PERP: variants seen among roughly 807,000 people sequenced by gnomAD.
PERP encodes the protein p53 apoptosis effector related to PMP-22.
Under a neutral mutation model 20.3 loss-of-function variants are expected in PERP, and 11 were observed. That is an observed-to-expected ratio of 0.54 (90% CI 0.34 to 0.90). PERP has a LOEUF of 0.90. Ranked by LOEUF, PERP falls within the 40% of genes least tolerant of loss-of-function variation. The pLI, the probability that PERP is intolerant of heterozygous loss-of-function variation, is 0.02. For missense variants in PERP, 224 were observed against 249.4 expected, an observed-to-expected ratio of 0.90 and a Z score of 0.69; for synonymous variants, 101 against 102.0, an observed-to-expected ratio of 0.99 and a Z score of 0.06.
chr6:138,106,436 A>G (rs1775842419), intron 1 of PERP, among the ~76,000 whole-genome samples: 1 of 152,232 alleles, frequency 6.6e-6, no homozygotes, highest in South Asian at 2.1e-4. Flanking sequence ...GGTACATTAA[A>G]TTTGTCAACT....
intron 2 of PERP, 83 bp downstream of exon 2, chr6:138,096,271 C>G: frequency 2.0e-6 from 3 of 1,496,034 alleles, no homozygotes; most frequent in Non-Finnish European, 2.7e-6. Flanking sequence ...GTAACAGTCA[C>G]GGGTCTTCTT....
chr6:138,106,138 G>T (rs1209003754), intron 1 of PERP, among the ~76,000 whole-genome samples: 1 of 152,146 alleles, frequency 6.6e-6, no homozygotes, highest in Non-Finnish European at 1.5e-5. Flanking sequence ...AACAGGCAGG[G>T]TAGCTTGCTG....
chr6:138,093,355 A>G (rs1480693594), intron 2 of PERP, among the ~76,000 whole-genome samples: 1 of 151,790 alleles, frequency 6.6e-6, no homozygotes, highest in Non-Finnish European at 1.5e-5. Flanking sequence ...CCACAGATGT[A>G]CCTTGAAGTA....
rs1775692343 is a variant in PERP at position 138,096,367 on chromosome 6, G to A, written c.342C>T (p.Leu114=). 4 of 1,613,920 alleles carry A rather than the reference G, an allele frequency of 2.5e-6. No homozygotes were observed. Among genetic ancestry groups the A allele is most frequent in the Non-Finnish European group, 3.4e-6 (4 of 1,179,908 alleles). ...ACACAGTCTTACCAGCCAAGGCAAGGAGACCTCCAATCACTCTCAGGAAGA... is the reference window on the plus strand; with the variant it reads ...ACACAGTCTTACCAGCCAAGGCAAGAAGACCTCCAATCACTCTCAGGAAGA... ...MLVFLRVIGG[L]LALAAVFQII... is the part of the protein sequence containing the mutation. The change falls in exon 2 of 3, where the codon CTC becomes CTT. Residue 114 remains leucine (L), a synonymous_variant. Coordinates refer to ENST00000421351, the MANE Select transcript of PERP (RefSeq NM_022121.5).
chr6:138,101,257 C>G (rs191492336), intron 1 of PERP, among the ~76,000 whole-genome samples: 224 of 152,176 alleles, frequency 1.5e-3, no homozygotes, highest in Middle Eastern at 3.4e-3. Flanking sequence ...GTAGTCCCAG[C>G]TATTCAGGAG....
intron 1 of PERP, among the ~76,000 whole-genome samples, chr6:138,104,054 C>T (rs540320289): frequency 6.6e-6 from 1 of 152,348 alleles, no homozygotes; most frequent in South Asian, 2.1e-4. Flanking sequence ...AAACTTATCA[C>T]CATTATTCTC....
rs1775853598 is a variant in PERP, at chr6:138,107,023, G to A, written c.214+104C>T. 2 of 1,176,998 alleles carry A rather than the reference G, an allele frequency of 1.7e-6. No individual in the cohort carries two copies. The highest frequency in any genetic ancestry group is 2.3e-6 in the Non-Finnish European group (2 of 852,612). The allele number at this position is 1,176,998 out of a possible 1,614,324, so 72.9% of individuals were successfully genotyped here. On this transcript the variant is annotated intron_variant, in intron 1 of 2. Transcript: ENST00000421351. This position sits in a 1 kb window ranked among gnomAD's most constrained non-coding sequence, Gnocchi z 4.8. ...CTAAACAGGCATTCTGAAAAGCACTGGCTCCCCCGACCCTGTGAGGGCCCA... is the reference window on the plus strand; with the variant it reads ...CTAAACAGGCATTCTGAAAAGCACTAGCTCCCCCGACCCTGTGAGGGCCCA...
intron 1 of PERP, among the ~76,000 whole-genome samples, chr6:138,100,782 T>A (rs1775759350): frequency 6.6e-6 from 1 of 152,198 alleles, no homozygotes; most frequent in Non-Finnish European, 1.5e-5. Context: ...GCTCATGTAA[T>A]CAAAGAAACC....
intron 2 of PERP, among the ~76,000 whole-genome samples, chr6:138,094,107 TA>T (rs1332669036): frequency 6.6e-6 from 1 of 152,356 alleles, no homozygotes; most frequent in East Asian, 1.9e-4. Flanking sequence ...AGAGTTTTAC[TA>T]GGATATTTTT....
chr6:138,107,414 G>A lies in PERP; in HGVS notation c.-74C>T. 8.1e-7 allele frequency: 1 copy of A among 1,230,204 alleles called. No homozygotes were observed. The highest frequency in any genetic ancestry group is 3.1e-4 in the Middle Eastern group (1 of 3,250). 76.2% of individuals were successfully genotyped at this position (1,230,204 alleles called of 1,614,324 possible). ...GGAGCGCGCGGGACGGGCGACAGCA[G>A]AGAGTGGCCTGCGAGCGCGGGCGCC... On this transcript the variant is annotated 5_prime_UTR_variant, in exon 1 of 3. Transcript: ENST00000421351. The surrounding 1 kb of genome is among the most constrained non-coding windows in gnomAD (Gnocchi z 4.8).
At chr6:138,103,050 GA>G (rs1208551137) in intron 1 of PERP, among the ~76,000 whole-genome samples, 1 of 150,860 alleles carries the variant, frequency 6.6e-6, no homozygotes, top group African/African-American at 2.4e-5. Flanking sequence ...AGTGAGCAGA[GA>G]TTGTGCCACT....
At chr6:138,106,461 G>C (rs923014619) in intron 1 of PERP, among the ~76,000 whole-genome samples, 1 of 151,622 alleles carries the variant, frequency 6.6e-6, no homozygotes, top group Non-Finnish European at 1.5e-5. Flanking sequence ...TTCACGTCGC[G>C]AGTGTAGGGA....
chr6:138,106,621 C>T (rs1775845400), intron 1 of PERP, among the ~76,000 whole-genome samples: 1 of 152,166 alleles, frequency 6.6e-6, no homozygotes, highest in Non-Finnish European at 1.5e-5. Context: ...CTATTGAAAA[C>T]GTTAACTGCT....
rs573656327 is a variant in PERP, at chr6:138,088,668, C to T, written c.*3374G>A. ...CACACCCTAGGTGGATTACACTCACCCTGACACACCTAGAAAATACACCCA... is the reference window on the plus strand; with the variant it reads ...CACACCCTAGGTGGATTACACTCACTCTGACACACCTAGAAAATACACCCA... On this transcript the variant is annotated 3_prime_UTR_variant, in exon 3 of 3. Coordinates refer to ENST00000421351, the MANE Select transcript of PERP (RefSeq NM_022121.5). 2.6e-4 allele frequency: 40 copies of T among 152,202 alleles called. No homozygotes were observed. The highest frequency in any genetic ancestry group is 9.6e-4 in the African/African-American group (40 of 41,514). 9.4% of individuals were successfully genotyped at this position (152,202 alleles called of 1,614,324 possible).
chr6:138,101,744 T>C (rs911378389), intron 1 of PERP, among the ~76,000 whole-genome samples: 6 of 152,140 alleles, frequency 3.9e-5, no homozygotes, highest in African/African-American at 1.4e-4. Context: ...AAACCACAGT[T>C]CAAAAAATTA....
At chr6:138,092,636 G>C (rs1013423735) in intron 2 of PERP, among the ~76,000 whole-genome samples, 1 of 152,048 alleles carries the variant, frequency 6.6e-6, no homozygotes, top group African/African-American at 2.4e-5. Flanking sequence ...TCATCTTTGT[G>C]TTTCCTATAC....
chr6:138,097,040 GA>G (rs1775704477), intron 1 of PERP, among the ~76,000 whole-genome samples: 2 of 66,038 alleles, frequency 3.0e-5, no homozygotes, highest in African/African-American at 7.0e-5. Flanking sequence ...AAGTAGCTCT[GA>G]TCTTATAACA....
chr6:138,091,969 C>A lies in PERP; in HGVS notation c.*73G>T. ...CACTGCCAAAAAATGGGTTCAAAGTCGCCTGGAGAAACAGTTTCTTCTTCT... is the reference window on the plus strand; with the variant it reads ...CACTGCCAAAAAATGGGTTCAAAGTAGCCTGGAGAAACAGTTTCTTCTTCT... On this transcript the variant is annotated 3_prime_UTR_variant, in exon 3 of 3. Transcript: ENST00000421351. The A allele has an allele frequency of 7.0e-7, 1 of 1,422,626 alleles. No individual in the cohort carries two copies. Among genetic ancestry groups the A allele is most frequent in the Non-Finnish European group, 9.6e-7 (1 of 1,040,556 alleles). The allele number at this position is 1,422,626 out of a possible 1,614,324, so 88.1% of individuals were successfully genotyped here. A position where few individuals can be genotyped will look rare whatever the true frequency, so the allele number is the denominator to read the frequency against.
In PERP at chr6:138,089,083, G is replaced by A. The variant is rs1255594821; in HGVS notation, c.*2959C>T. 6.6e-6 allele frequency: 1 copy of A among 152,050 alleles called. No individual in the cohort carries two copies. The highest frequency in any genetic ancestry group is 1.9e-4 in the East Asian group (1 of 5,176). The allele number at this position is 152,050 out of a possible 1,614,324, so 9.4% of individuals were successfully genotyped here. A position where few individuals can be genotyped will look rare whatever the true frequency, so the allele number is the denominator to read the frequency against. ...CAATCAGAGAATCTTGAAGGTAGGG[G>A]GATCATTTACAATCATTTTACAGGT... On this transcript the variant is annotated 3_prime_UTR_variant, in exon 3 of 3. Transcript: ENST00000421351.
Sources: gnomAD v4.1 joint callset for allele counts (sites outside exome capture counted in the v4.1 genomes callset) on GRCh38, gnomAD v4.1.1 for gene constraint, Gnocchi (gnomAD v3.1) non-coding constraint, MANE v1.5 for transcripts, NCBI Gene and HGNC (gene_info 2026-07-23, HGNC 2026-07-21) for gene names.